Variants in METTL15 observed in about 807,000 individuals in gnomAD.
METTL15 encodes methyltransferase 15, mitochondrial 12S rRNA N4-cytidine.
Under a neutral mutation model 38.3 loss-of-function variants are expected in METTL15, and 34 were observed. The observed-to-expected ratio is 0.89, with a 90% CI of 0.68 to 1.18. The LOEUF (loss-of-function observed/expected upper bound fraction) is 1.18, where lower values mean the gene tolerates loss of function less well. METTL15 is among the 50% of genes most tolerant of loss of function. The pLI is 0.00. For missense variants in METTL15, 438 were observed against 498.4 expected (o/e 0.88, Z 1.15); for synonymous variants, 162 against 170.9 (o/e 0.95, Z 0.41).
At chr11:28,227,445 C>T (rs1853527391) in intron 4 of METTL15, among the ~76,000 whole-genome samples, 1 of 151,708 alleles carries the variant, frequency 6.6e-6, no homozygotes, top group South Asian at 2.1e-4. Flanking sequence ...CAATTTAGAA[C>T]ATGAAAGATC....
At chr11:28,160,990 A>G (rs749806370) in intron 3 of METTL15, among the ~76,000 whole-genome samples, 2 of 152,146 alleles carry the variant, frequency 1.3e-5, no homozygotes, top group African/African-American at 2.4e-5. Flanking sequence ...TAAAATATCA[A>G]TATAATATAC....
At chr11:28,246,632 T>A (rs1854525146) in intron 4 of METTL15, among the ~76,000 whole-genome samples, 1 of 152,154 alleles carries the variant, frequency 6.6e-6, no homozygotes, top group Admixed American at 6.6e-5. Flanking sequence ...AGAATTGCAG[T>A]TCTAGCTACT....
At chr11:28,114,634 A>G (rs1397836227) in intron 3 of METTL15, among the ~76,000 whole-genome samples, 1 of 152,054 alleles carries the variant, frequency 6.6e-6, no homozygotes, top group East Asian at 1.9e-4. Context: ...TATTTTTAGT[A>G]GAGATGGGGT....
At chr11:28,348,353 C>T (rs1850013894) in intron 3 of METTL15, among the ~76,000 whole-genome samples, 1 of 152,160 alleles carries the variant, frequency 6.6e-6, no homozygotes, top group Admixed American at 6.6e-5. Context: ...GCTTACTCTT[C>T]TACCCATTTA....
intron 3 of METTL15, among the ~76,000 whole-genome samples, chr11:28,341,736 C>G: frequency 6.6e-6 from 1 of 152,172 alleles, no homozygotes; most frequent in East Asian, 1.9e-4. Flanking sequence ...AATAACACAT[C>G]TCTACTTACT....
intron 4 of METTL15, among the ~76,000 whole-genome samples, chr11:28,226,094 C>A (rs966652225): frequency 3.3e-5 from 5 of 151,622 alleles, no homozygotes; most frequent in Admixed American, 6.6e-5. Flanking sequence ...CTTTTTATTT[C>A]TTCTTCTCTT....
At chr11:28,394,412 G>A (rs1357568108) in intron 5 of METTL15, among the ~76,000 whole-genome samples, 1 of 152,038 alleles carries the variant, frequency 6.6e-6, no homozygotes, top group East Asian at 1.9e-4. Context: ...GTCATATTCA[G>A]TCATATTTGG....
intron 4 of METTL15, among the ~76,000 whole-genome samples, chr11:28,262,136 A>C (rs1307426884): frequency 6.6e-6 from 1 of 152,140 alleles, no homozygotes; most frequent in Non-Finnish European, 1.5e-5. Flanking sequence ...TGGATTTGTT[A>C]ATTTTTGTAA....
intron 4 of METTL15, among the ~76,000 whole-genome samples, chr11:28,230,114 A>C (rs1473853383): frequency 6.6e-6 from 1 of 151,978 alleles, no homozygotes; most frequent in Non-Finnish European, 1.5e-5. Context: ...AGTCACCTTC[A>C]TTACCTTTAC....
intron 6 of METTL15, among the ~76,000 whole-genome samples, chr11:28,318,085 G>A (rs1175445527): frequency 6.6e-6 from 1 of 152,146 alleles, no homozygotes; most frequent in East Asian, 1.9e-4. Context: ...AAGCAGCAGA[G>A]CATCTCCGCA....
intron 4 of METTL15, among the ~76,000 whole-genome samples, chr11:28,279,085 C>A (rs1348510170): frequency 6.6e-6 from 1 of 152,170 alleles, no homozygotes; most frequent in African/African-American, 2.4e-5. Context: ...CCTCGGCCTC[C>A]CAAAGTGCTG....
chr11:28,523,571 C>T (rs1202415547), intron 6 of METTL15, among the ~76,000 whole-genome samples: 1 of 152,280 alleles, frequency 6.6e-6, no homozygotes, highest in African/African-American at 2.4e-5. Context: ...GATATTTGCT[C>T]ATTATGAAGC....
chr11:28,293,572 G>GT, intron 5 of METTL15, among the ~76,000 whole-genome samples: 1 of 151,868 alleles, frequency 6.6e-6, no homozygotes, highest in Non-Finnish European at 1.5e-5. Flanking sequence ...CTTTAAAGTA[G>GT]TTTTTTCCAA....
chr11:28,235,017 T>C (rs1372092258), intron 4 of METTL15, among the ~76,000 whole-genome samples: 2 of 152,126 alleles, frequency 1.3e-5, no homozygotes, highest in African/African-American at 4.8e-5. Flanking sequence ...TTCAGCTTTC[T>C]ACATGTGGCT....
At chr11:28,502,720 G>T (rs1564949715) in intron 6 of METTL15, among the ~76,000 whole-genome samples, 1 of 152,098 alleles carries the variant, frequency 6.6e-6, no homozygotes, top group East Asian at 1.9e-4. Flanking sequence ...GAAGGCTTGT[G>T]ACCACTGGGA....
intron 4 of METTL15, among the ~76,000 whole-genome samples, chr11:28,242,685 C>T (rs1379794544): frequency 6.6e-6 from 1 of 152,046 alleles, no homozygotes; most frequent in Non-Finnish European, 1.5e-5. Context: ...TAAATGATAA[C>T]AACAGTTTGA....
At chr11:28,115,605 C>T (rs1291958473) in intron 3 of METTL15, among the ~76,000 whole-genome samples, 1 of 151,998 alleles carries the variant, frequency 6.6e-6, no homozygotes. Flanking sequence ...TGTATTCTTA[C>T]AATAAAGTAA....
intron 4 of METTL15, among the ~76,000 whole-genome samples, chr11:28,359,862 AGATATT>A (rs1850121272): frequency 6.6e-6 from 1 of 152,204 alleles, no homozygotes; most frequent in Non-Finnish European, 1.5e-5. Flanking sequence ...TTGTTTATAT[AGATATT>A]AACTTCTAAA....
At chr11:28,528,599 A>G (rs1267898162), downstream of METTL15, among the ~76,000 whole-genome samples, 1 of 152,210 alleles carries the variant, frequency 6.6e-6, no homozygotes, top group African/African-American at 2.4e-5. Context: ...TCAAAGCTTT[A>G]CAGTACCTGG....
Sources: allele counts gnomAD v4.1 joint callset (sites outside exome capture counted in the v4.1 genomes callset), GRCh38; gene constraint gnomAD v4.1.1; transcripts MANE v1.5; gene names NCBI Gene and HGNC (gene_info 2026-07-23, HGNC 2026-07-21).